The following GREB1 variants were observed in gnomAD, a reference collection of about 807,000 sequenced individuals.
GREB1 encodes growth regulating estrogen receptor binding 1.
Under a neutral mutation model 200.7 loss-of-function variants are expected in GREB1, and 106 were observed. The ratio of observed to expected loss-of-function variants is 0.53; its 90% CI spans 0.45 to 0.62. The LOEUF is 0.62. Ranked by LOEUF, GREB1 falls within the 20% of genes least tolerant of loss-of-function variation. GREB1 has a pLI of 0.00. For synonymous variants in GREB1, 1,132 were observed against 1,092.4 expected (o/e 1.04, Z -0.72); for missense variants, 2,243 against 2,556.8 (o/e 0.88, Z 2.65).
chr2:11,632,997 T>C lies in GREB1; in HGVS notation c.4925T>C (p.Val1642Ala). Reference protein sequence around the residue: ...IKPQDIWPFIVISDDSCVMWN... With the variant: ...IKPQDIWPFIAISDDSCVMWN... ...CCGCAGGACATCTGGCCTTTCATTGTGATCTCTGATGACTCCTGCGTGATG... is the reference window on the plus strand; with the variant it reads ...CCGCAGGACATCTGGCCTTTCATTGCGATCTCTGATGACTCCTGCGTGATG... The change falls in exon 28 of 33, where the codon GTG becomes GCG. Residue 1642 changes from valine (V) to alanine (A), a missense_variant. This residue lies in a region of GREB1 where 478 missense variants were observed against 616.3 expected (regional missense o/e 0.78). Coordinates refer to ENST00000381486, the MANE Select transcript of GREB1 (RefSeq NM_014668.4). The C allele has an allele frequency of 6.2e-7, 1 of 1,614,228 alleles. No homozygotes were observed. Among genetic ancestry groups the C allele is most frequent in the South Asian group, 1.1e-5 (1 of 91,086 alleles).
intron 1 of GREB1, among the ~76,000 whole-genome samples, chr2:11,501,895 GTTT>G (rs148843809): frequency 8.8e-5 from 4 of 45,562 alleles, no homozygotes; most frequent in Non-Finnish European, 1.5e-4. Flanking sequence ...TGGATTTCCT[GTTT>G]TTTTTTGTTT....
At chr2:11,501,156 G>C (rs544970760) in intron 1 of GREB1, among the ~76,000 whole-genome samples, 19 of 152,258 alleles carry the variant, frequency 1.2e-4, no homozygotes, top group African/African-American at 4.3e-4. Context: ...TTCGGCCAGT[G>C]AACACATTCA....
At chr2:11,587,684 A>T in intron 9 of GREB1, 1 of 1,213,804 alleles carries the variant, frequency 8.2e-7, no homozygotes. Flanking sequence ...GAGTACCTGG[A>T]GTACAAGATA....
At chr2:11,534,929 C>T (rs1008671319) in intron 1 of GREB1, among the ~76,000 whole-genome samples, 2 of 152,098 alleles carry the variant, frequency 1.3e-5, no homozygotes, top group Non-Finnish European at 2.9e-5. Flanking sequence ...TGGCAGGTGT[C>T]ACTTTTGGGG....
intron 2 of GREB1, among the ~76,000 whole-genome samples, chr2:11,560,004 C>T (rs988686207): frequency 2.6e-5 from 4 of 152,170 alleles, no homozygotes; most frequent in Non-Finnish European, 4.4e-5. Flanking sequence ...CCCACAAGCC[C>T]GTTTGAAATG....
At position 11,585,820 on chromosome 2, in the gene GREB1, C is replaced by T; in HGVS notation, c.1074C>T (p.Thr358=). ...GCTTGGTGGGACCAGCTTCAGTCAC[C>T]TTTCCAGTGGTGGCCTCTGGAGAAC... ...QVGLVGPASV[T]FPVVASGEPV... The change falls in exon 9 of 33, where the codon ACC becomes ACT. Residue 358 remains threonine (T), a synonymous_variant. Coordinates refer to ENST00000381486, the MANE Select transcript of GREB1 (RefSeq NM_014668.4). 6.2e-7 allele frequency: 1 copy of T among 1,613,778 alleles called. No individual in the cohort carries two copies. The highest frequency in any genetic ancestry group is 8.5e-7 in the Non-Finnish European group (1 of 1,179,932).
intron 6 of GREB1, among the ~76,000 whole-genome samples, chr2:11,578,944 G>A (rs1317358383): frequency 2.0e-5 from 3 of 152,222 alleles, no homozygotes; most frequent in African/African-American, 2.4e-5. Flanking sequence ...CTCGTGGGCC[G>A]GAGGAGGTGG....
rs1684760002 is a variant in GREB1 at position 11,629,998 on chromosome 2, A to G, written c.4500A>G (p.Gly1500=). 7 of 1,614,022 alleles carry G rather than the reference A, an allele frequency of 4.3e-6. No homozygotes were observed. The highest frequency in any genetic ancestry group is 5.9e-6 in the Non-Finnish European group (7 of 1,180,016). Residue 1500 remains glycine (G), a synonymous_variant, in exon 26 of 33, where the codon GGA becomes GGG. Transcript: ENST00000381486. The surrounding 1 kb of genome is among the most constrained non-coding windows in gnomAD (Gnocchi z 5.2). ...TTGCCTTCTCTTACTCCATGCTAGG[A>G]GAGGAGATCCAGCTGCACTTCATCA... ...HAFAFSYSML[G]EEIQLHFIIP...
Position 11,576,548 on chromosome 2 carries a change from G to A in GREB1, c.637+13G>A, listed in dbSNP as rs1678874150. On this transcript the variant is annotated intron_variant, in intron 5 of 32. Coordinates refer to ENST00000381486, the MANE Select transcript of GREB1 (RefSeq NM_014668.4). Reference sequence around the variant, plus strand: ...TGGAAAGGCTCAGGTGAGCAGGTTGGCTGTGGAGGAGGTATGGGAGTGCTG... The same window carrying A: ...TGGAAAGGCTCAGGTGAGCAGGTTGACTGTGGAGGAGGTATGGGAGTGCTG... 4.4e-6 allele frequency: 7 copies of A among 1,608,692 alleles called. No homozygotes were observed. In the South Asian group the frequency reaches 5.6e-5, roughly 13 times the overall value.
At chr2:11,490,090 A>G (rs1672745838) in intron 1 of GREB1, among the ~76,000 whole-genome samples, 1 of 151,916 alleles carries the variant, frequency 6.6e-6, no homozygotes, top group Non-Finnish European at 1.5e-5. Flanking sequence ...TTACCTTTTT[A>G]GAGAATACAG....
chr2:11,533,140 T>G (rs1674137437), upstream of GREB1, among the ~76,000 whole-genome samples: 1 of 152,130 alleles, frequency 6.6e-6, no homozygotes, highest in East Asian at 1.9e-4. Context: ...TGCTACAAGT[T>G]AAGAGGTTTT....
chr2:11,542,325 C>A (rs1203275266), intron 1 of GREB1, among the ~76,000 whole-genome samples: 3 of 152,120 alleles, frequency 2.0e-5, no homozygotes, highest in African/African-American at 7.2e-5. Flanking sequence ...AGCCCTGAGA[C>A]CCCGAAGGCC....
intron 1 of GREB1, among the ~76,000 whole-genome samples, chr2:11,519,040 T>G (rs1441622304): frequency 6.9e-6 from 1 of 145,054 alleles, no homozygotes; most frequent in African/African-American, 2.6e-5. Flanking sequence ...GAGCTTGCAG[T>G]GAGCCGAGAT....
Position 11,515,108 on chromosome 2 carries a change from T to TTCCATCCA in GREB1, c.-159+32748_-159+32755dup, listed in dbSNP as rs71393889. The stretch of plus-strand genomic sequence containing the variant: ...CCCCCACCTGCCCATCTATCCATCC[T>TTCCATCCA]TCCATCCATCCATCCATCCATCCAT... On this transcript the variant is annotated intron_variant, in intron 1 of 2. Coordinates refer to the GREB1 transcript ENST00000628795. 2.8e-3 allele frequency among the ~76,000 whole-genome samples: 395 copies of TTCCATCCA among 143,058 alleles called. 4 individuals are homozygous for TTCCATCCA. Among genetic ancestry groups the TTCCATCCA allele is most frequent in the Non-Finnish European group, 4.0e-3 (264 of 66,082 alleles). The allele number at this position is 143,058 out of a possible 152,430, so 93.9% of individuals were successfully genotyped here.
chr2:11,485,292 A>C (rs1672630165), intron 1 of GREB1, among the ~76,000 whole-genome samples: 1 of 121,490 alleles, frequency 8.2e-6, no homozygotes, highest in African/African-American at 3.3e-5. Flanking sequence ...TTTTTTTTTG[A>C]GACAGAGTCT....
At chr2:11,531,444 C>A (rs1194466184), upstream of GREB1, among the ~76,000 whole-genome samples, 1 of 151,590 alleles carries the variant, frequency 6.6e-6, no homozygotes, top group Non-Finnish European at 1.5e-5. Flanking sequence ...CCCAAAAAAG[C>A]TGTTTATAAA....
intron 1 of GREB1, among the ~76,000 whole-genome samples, chr2:11,518,214 A>ATGAC (rs1194626413): frequency 6.6e-6 from 1 of 152,186 alleles, no homozygotes; most frequent in African/African-American, 2.4e-5. Flanking sequence ...TTTGACGTCA[A>ATGAC]GGTCAGGAGG....
chr2:11,503,135 GT>G (rs11307290), intron 1 of GREB1, among the ~76,000 whole-genome samples: 149,323 of 152,244 alleles, frequency 0.98, 73,263 homozygotes, highest in South Asian at 1. Flanking sequence ...TGGCTTGGCT[GT>G]TGTACATGGC....
chr2:11,526,799 C>A (rs777961462), intron 1 of GREB1, among the ~76,000 whole-genome samples: 3 of 152,110 alleles, frequency 2.0e-5, no homozygotes, highest in Non-Finnish European at 4.4e-5. Context: ...CTCAAGTGAT[C>A]CACCCACCTC....
Sources: gnomAD v4.1 joint callset for allele counts (sites outside exome capture counted in the v4.1 genomes callset) on GRCh38, gnomAD v4.1.1 for gene constraint, gnomAD v4.1.1 regional missense constraint, Gnocchi (gnomAD v3.1) non-coding constraint, MANE v1.5 for transcripts, NCBI Gene and HGNC (gene_info 2026-07-23, HGNC 2026-07-21) for gene names.